Variants in EIF4G3 observed in about 807,000 individuals in gnomAD.
The protein encoded by EIF4G3 is eukaryotic translation initiation factor 4 gamma 3, also known as eIF-4-gamma 3.
Under a neutral mutation model 186.4 loss-of-function variants are expected in EIF4G3, and 34 were observed. The ratio of observed to expected loss-of-function variants is 0.18; its 90% CI spans 0.14 to 0.24. The LOEUF is 0.24. Among genes scored for constraint, EIF4G3 ranks in the 10% least tolerant of loss-of-function variants. The pLI is 1.00. For missense variants in EIF4G3, 1,536 were observed against 1,948.5 expected, an observed-to-expected ratio of 0.79 and a Z score of 3.99; for synonymous variants, 673 against 679.5, an observed-to-expected ratio of 0.99 and a Z score of 0.15.
chr1:21,120,077 A>G (rs2096900134), intron 2 of EIF4G3, among the ~76,000 whole-genome samples: 1 of 151,374 alleles, frequency 6.6e-6, no homozygotes, highest in Admixed American at 6.6e-5. Context: ...AATTCTTAAG[A>G]CTGTGGCCCA....
At chr1:21,037,514 A>G (rs1472766583) in intron 4 of EIF4G3, among the ~76,000 whole-genome samples, 1 of 152,220 alleles carries the variant, frequency 6.6e-6, no homozygotes, top group Non-Finnish European at 1.5e-5. Flanking sequence ...AGTCAATTAC[A>G]TAGTACCTGG....
intron 3 of EIF4G3, among the ~76,000 whole-genome samples, chr1:21,054,446 A>G (rs1206270846): frequency 6.6e-6 from 1 of 150,996 alleles, no homozygotes; most frequent in East Asian, 1.9e-4. Context: ...CCTCTGCGAG[A>G]AACACCCAAG....
At chr1:21,003,354 A>G (rs2084115882) in intron 4 of EIF4G3, among the ~76,000 whole-genome samples, 1 of 151,670 alleles carries the variant, frequency 6.6e-6, no homozygotes, top group African/African-American at 2.4e-5. Context: ...GGGCTCAAAG[A>G]GATCCTCTCG....
At chr1:21,163,766 T>C (rs945737756) in intron 2 of EIF4G3, among the ~76,000 whole-genome samples, 2 of 152,128 alleles carry the variant, frequency 1.3e-5, no homozygotes, top group South Asian at 4.1e-4. Context: ...ATTTTGTTTT[T>C]TGTTTGTTTT....
chr1:21,148,473 T>C (rs1324207819), intron 2 of EIF4G3, among the ~76,000 whole-genome samples: 3 of 151,894 alleles, frequency 2.0e-5, no homozygotes, highest in Non-Finnish European at 4.4e-5. Context: ...GAGGCCAAGG[T>C]AGGCGGATCA....
intron 4 of EIF4G3, among the ~76,000 whole-genome samples, chr1:21,005,665 T>C (rs961823746): frequency 8.5e-5 from 13 of 152,188 alleles, no homozygotes; most frequent in Admixed American, 5.9e-4. Flanking sequence ...AATATGTGAA[T>C]TGGCATTCAA....
chr1:21,058,717 CT>C (rs2094704929), intron 3 of EIF4G3, among the ~76,000 whole-genome samples: 2 of 104,684 alleles, frequency 1.9e-5, no homozygotes, highest in South Asian at 8.5e-4. Context: ...CTCTCTCTCT[CT>C]CTTTTTTTTT....
chr1:20,974,720 A>G (rs1470157546), intron 10 of EIF4G3, among the ~76,000 whole-genome samples: 1 of 152,220 alleles, frequency 6.6e-6, no homozygotes, highest in East Asian at 1.9e-4. Flanking sequence ...CTATTCCTAT[A>G]TACAGATGAC....
intron 17 of EIF4G3, 89 bp from the exon 18 acceptor site, chr1:20,893,725 A>G (rs969822722): frequency 1.4e-5 from 20 of 1,392,366 alleles, no homozygotes; most frequent in Non-Finnish European, 1.7e-5. Flanking sequence ...GAAAAGTTAC[A>G]TCAGCTGAAA....
At chr1:20,946,908 T>A (rs2095975177) in intron 13 of EIF4G3, among the ~76,000 whole-genome samples, 1 of 152,016 alleles carries the variant, frequency 6.6e-6, no homozygotes, top group Non-Finnish European at 1.5e-5. Flanking sequence ...GAGTACAAAC[T>A]CTCAGTAAAG....
In EIF4G3 at chr1:20,807,228, G is replaced by T; in HGVS notation, c.*91C>A. Reference sequence around the variant, plus strand: ...ACACGTGGGGGTTTCTGCGAGAATTGGCCTTGCTGCACTGTGATTGGCGAA... The same window carrying T: ...ACACGTGGGGGTTTCTGCGAGAATTTGCCTTGCTGCACTGTGATTGGCGAA... On this transcript the variant is annotated 3_prime_UTR_variant, in exon 37 of 37. Transcript: ENST00000602326. The T allele has an allele frequency of 2.5e-6, 3 of 1,216,382 alleles. No individual in the cohort carries two copies. The highest frequency in any genetic ancestry group is 3.4e-6 in the Non-Finnish European group (3 of 882,326). The allele number at this position is 1,216,382 out of a possible 1,614,324, so 75.3% of individuals were successfully genotyped here.
At chr1:20,820,353 C>T (rs564600758) in intron 33 of EIF4G3, among the ~76,000 whole-genome samples, 3 of 152,336 alleles carry the variant, frequency 2.0e-5, no homozygotes, top group Admixed American at 6.5e-5. Context: ...CCTAGGCATG[C>T]AGCACCTGGG....
intron 12 of EIF4G3, among the ~76,000 whole-genome samples, chr1:20,963,751 C>T (rs1003808954): frequency 1.6e-4 from 25 of 151,824 alleles, no homozygotes; most frequent in African/African-American, 5.8e-4. Flanking sequence ...GTCAGGTGTT[C>T]GAGACCAGCC....
chr1:20,845,385 G>A (rs1433314905), intron 29 of EIF4G3, among the ~76,000 whole-genome samples: 2 of 152,278 alleles, frequency 1.3e-5, no homozygotes, highest in East Asian at 1.9e-4. Flanking sequence ...GAAGTAGGCT[G>A]GGCGCGGTGG....
At chr1:21,011,069 CT>C (rs1471248264) in intron 4 of EIF4G3, among the ~76,000 whole-genome samples, 1 of 152,070 alleles carries the variant, frequency 6.6e-6, no homozygotes, top group East Asian at 1.9e-4. Context: ...GTGGATGTAG[CT>C]ACTAGTAAAT....
chr1:20,828,029 G>GTTGTTT (rs1557811850), intron 31 of EIF4G3, among the ~76,000 whole-genome samples: 1 of 127,418 alleles, frequency 7.8e-6, no homozygotes. Context: ...CTTTTATAAA[G>GTTGTTT]TTTTTTTTTT....
At position 20,812,636 on chromosome 1, in the gene EIF4G3, T is replaced by C. The variant is rs138492896; in HGVS notation, c.4597+522A>G. Among the ~76,000 whole-genome samples, 782 of 152,306 alleles carry C rather than the reference T, an allele frequency of 5.1e-3. 7 individuals carry two copies. The highest frequency in any genetic ancestry group is 0.018 in the African/African-American group (751 of 41,556). ...TGTATACAGCTTGGAATATTTGGGATTTCTACTGACCCTAATCCTATCAAT... is the reference window on the plus strand; with the variant it reads ...TGTATACAGCTTGGAATATTTGGGACTTCTACTGACCCTAATCCTATCAAT... On this transcript the variant is annotated intron_variant, in intron 35 of 36. Transcript: ENST00000602326.
At chr1:20,876,696 T>C (rs1170598444) in intron 20 of EIF4G3, among the ~76,000 whole-genome samples, 1 of 152,146 alleles carries the variant, frequency 6.6e-6, no homozygotes, top group African/African-American at 2.4e-5. Context: ...TGTTATCTTA[T>C]AATTTAAAAT....
chr1:20,980,714 T>C (rs1558542624), intron 9 of EIF4G3, among the ~76,000 whole-genome samples: 1 of 152,150 alleles, frequency 6.6e-6, no homozygotes, highest in Non-Finnish European at 1.5e-5. Context: ...TGTAAAATAA[T>C]CTCAGGCTAG....
Sources: gnomAD v4.1 joint callset for allele counts (sites outside exome capture counted in the v4.1 genomes callset) on GRCh38, gnomAD v4.1.1 for gene constraint, MANE v1.5 for transcripts, NCBI Gene and HGNC (gene_info 2026-07-23, HGNC 2026-07-21) for gene names.